The following NOTCH2 variants were observed in gnomAD, a reference collection of about 807,000 sequenced individuals.
NOTCH2 encodes notch receptor 2, also known as neurogenic locus notch homolog protein 2.
NOTCH2 carries 29 observed loss-of-function variants against 235.8 expected under a neutral mutation model. The ratio of observed to expected loss-of-function variants is 0.12; its 90% CI spans 0.09 to 0.17. NOTCH2 has a LOEUF of 0.17. NOTCH2 is among the 10% of genes least tolerant of loss of function. The pLI is 1.00. For synonymous variants in NOTCH2, 1,086 were observed against 1,141.5 expected, an observed-to-expected ratio of 0.95 and a Z score of 0.98; for missense variants, 2,285 against 3,150.2, an observed-to-expected ratio of 0.73 and a Z score of 6.57.
chr1:120,065,294 G>T (rs1299527494), intron 1 of NOTCH2, among the ~76,000 whole-genome samples: 1 of 152,172 alleles, frequency 6.6e-6, no homozygotes, highest in African/African-American at 2.4e-5. Context: ...AAAAATAATT[G>T]TTCGACTGAA....
intron 1 of NOTCH2, among the ~76,000 whole-genome samples, chr1:120,037,685 C>CA (rs1159340421): frequency 2.7e-5 from 4 of 149,496 alleles, no homozygotes; most frequent in Non-Finnish European, 4.5e-5. Flanking sequence ...AAAAAAAAAA[C>CA]AAAAAAAAGC....
Position 119,919,516 on chromosome 1 carries a change from G to C in NOTCH2, c.5577C>G (p.Ile1859Met), listed in dbSNP as rs774975520. ...TGGCACCCTGGTAGACCAAGTCTGT[G>C]ATGATGTTAGCAGAAGAGTCCTCTG... The part of the protein sequence containing the change: ...EDAEDSSANI[I>M]TDLVYQGASL... The change falls in exon 31 of 34, where the codon ATC (isoleucine) becomes ATG (methionine). Residue 1859 changes from isoleucine (I) to methionine (M), a missense_variant. Around this residue, in one of 6 missense-constraint regions of NOTCH2, gnomAD observed 1,173 missense variants for 1,515.3 expected, o/e 0.77. Coordinates refer to ENST00000256646, the MANE Select transcript of NOTCH2 (RefSeq NM_024408.4). 6.2e-7 allele frequency: 1 copy of C among 1,614,002 alleles called. No homozygotes were observed.
At position 120,039,737 on chromosome 1, in the gene NOTCH2, C is replaced by T. The variant is rs191767197; in HGVS notation, c.74-9750G>A. ...TAAGTACAGCTTAGTTTTTTTAAGT[C>T]CTTAATTTTAAGTACACGCTTTTAA... On this transcript the variant is annotated intron_variant, in intron 1 of 33. Coordinates refer to ENST00000256646, the MANE Select transcript of NOTCH2 (RefSeq NM_024408.4). Among the ~76,000 whole-genome samples, 345 of 151,810 alleles carry T rather than the reference C, an allele frequency of 2.3e-3. No homozygotes were observed. In the Middle Eastern group the frequency reaches 0.024, roughly 10 times the overall value.
intron 8 of NOTCH2, 89 bp from the exon 9 acceptor site, chr1:119,966,578 C>G: frequency 1.2e-6 from 1 of 864,394 alleles, no homozygotes; most frequent in Non-Finnish European, 2.0e-6. Flanking sequence ...ATAACTACAT[C>G]CTTTGCGAGT....
rs1649021832 is a variant in NOTCH2, at chr1:119,915,258, C to T, written c.*48G>A. 1 of 1,581,460 alleles carries T rather than the reference C, an allele frequency of 6.3e-7. No homozygotes were observed. Among genetic ancestry groups the T allele is most frequent in the Non-Finnish European group, 8.7e-7 (1 of 1,154,132 alleles). Reference sequence around the variant, plus strand: ...CGGATGACCTTCATTTGTTCCTCAGCAGCATTTACAAAAGTCAGTTATGTC... The same window carrying T: ...CGGATGACCTTCATTTGTTCCTCAGTAGCATTTACAAAAGTCAGTTATGTC... On this transcript the variant is annotated 3_prime_UTR_variant, in exon 34 of 34. Coordinates refer to ENST00000256646, the MANE Select transcript of NOTCH2 (RefSeq NM_024408.4).
intron 25 of NOTCH2, 95 bp from the exon 26 acceptor site, chr1:119,924,079 C>A: frequency 1.8e-6 from 2 of 1,118,752 alleles, no homozygotes; most frequent in Non-Finnish European, 2.6e-6. Flanking sequence ...ATTTTCCTAC[C>A]CATTTTCTGT....
At chr1:119,926,349 G>A (rs1283352287) in intron 24 of NOTCH2, 150 bp downstream of exon 24, 4 of 739,686 alleles carry the variant, frequency 5.4e-6, no homozygotes, top group African/African-American at 3.5e-5. Context: ...AGCTTTAAAT[G>A]GAAAAACCCA....
chr1:119,986,082 A>C (rs1652008412), intron 5 of NOTCH2, among the ~76,000 whole-genome samples: 1 of 152,240 alleles, frequency 6.6e-6, no homozygotes, highest in African/African-American at 2.4e-5. Flanking sequence ...GAGACACTAA[A>C]GAATACCAGG....
intron 9 of NOTCH2, among the ~76,000 whole-genome samples, chr1:119,965,899 C>T (rs1651116635): frequency 6.6e-6 from 1 of 152,026 alleles, no homozygotes; most frequent in Non-Finnish European, 1.5e-5. Flanking sequence ...GGGTAAGATG[C>T]AATCTATGGA....
intron 5 of NOTCH2, among the ~76,000 whole-genome samples, chr1:119,980,991 G>A (rs587741005): frequency 1.3e-5 from 2 of 151,906 alleles, no homozygotes; most frequent in Admixed American, 6.6e-5. Flanking sequence ...CTCATACTTC[G>A]GGTCCAAATC....
At chr1:119,932,017 T>C (rs1435397778) in intron 22 of NOTCH2, among the ~76,000 whole-genome samples, 1 of 148,096 alleles carries the variant, frequency 6.8e-6, no homozygotes, top group Non-Finnish European at 1.5e-5. Context: ...TACATATATA[T>C]ATATATAAAC....
In NOTCH2 at chr1:120,000,013, A is replaced by G. The variant is rs587737313; in HGVS notation, c.416-2681T>C. Among the ~76,000 whole-genome samples the G allele has an allele frequency of 4.1e-4, 61 of 148,160 alleles. 1 individual carries two copies. The highest frequency in any genetic ancestry group is 1.1e-3 in the African/African-American group (45 of 40,488). ...GAAGGAAGGAAGGAAGGAAGGAAGG[A>G]AGGGAGAAAGGAAGGAAGGAAGGGA... On this transcript the variant is annotated intron_variant, in intron 3 of 33. Coordinates refer to ENST00000256646, the MANE Select transcript of NOTCH2 (RefSeq NM_024408.4).
intron 5 of NOTCH2, among the ~76,000 whole-genome samples, chr1:119,979,955 T>C (rs1651749736): frequency 6.6e-6 from 1 of 152,164 alleles, no homozygotes; most frequent in South Asian, 2.1e-4. Flanking sequence ...AGACATAGTA[T>C]AATATAAATT....
At chr1:120,026,046 T>C (rs1653824792) in intron 2 of NOTCH2, among the ~76,000 whole-genome samples, 1 of 139,788 alleles carries the variant, frequency 7.2e-6, no homozygotes, top group South Asian at 2.5e-4. Flanking sequence ...TATGCAAGAT[T>C]ATACACGTTC....
intron 1 of NOTCH2, among the ~76,000 whole-genome samples, chr1:120,033,124 T>C (rs1654161123): frequency 6.9e-6 from 1 of 145,808 alleles, no homozygotes; most frequent in Admixed American, 6.9e-5. Flanking sequence ...GATGAATGGA[T>C]AAATAAAAGG....
intron 21 of NOTCH2, among the ~76,000 whole-genome samples, chr1:119,936,292 G>A (rs1479084902): frequency 6.6e-6 from 1 of 152,208 alleles, no homozygotes; most frequent in Non-Finnish European, 1.5e-5. Flanking sequence ...AGAAGGATCA[G>A]AGAAGGAGTC....
At position 119,987,074 on chromosome 1, in the gene NOTCH2, C is replaced by T; in HGVS notation, c.760G>A (p.Gly254Arg). 6.2e-7 allele frequency: 1 copy of T among 1,613,512 alleles called. No homozygotes were observed. The highest frequency in any genetic ancestry group is 8.5e-7 in the Non-Finnish European group (1 of 1,179,586). Reference protein sequence around the residue: ...FECNCLPGFEGSTCERNIDDC... With the variant: ...FECNCLPGFERSTCERNIDDC... ...TCAATATTCCTCTCACAGGTGCTCC[C>T]TTCAAAACCTGGTAAATGAAGAACA... The change falls in exon 5 of 34, where the codon GGG becomes AGG. Residue 254 changes from glycine (G) to arginine (R), a missense_variant. Around this residue, in one of 6 missense-constraint regions of NOTCH2, gnomAD observed 431 missense variants for 757.8 expected, o/e 0.57. Transcript: ENST00000256646.
intron 1 of NOTCH2, among the ~76,000 whole-genome samples, chr1:120,033,887 TA>T (rs1553211397): frequency 2.6e-5 from 4 of 151,966 alleles, no homozygotes; most frequent in Admixed American, 2.6e-4. Context: ...TTGTACCCTA[TA>T]AATGTATACA....
At chr1:119,984,846 A>C (rs1449341728) in intron 5 of NOTCH2, among the ~76,000 whole-genome samples, 3 of 152,194 alleles carry the variant, frequency 2.0e-5, no homozygotes, top group Non-Finnish European at 4.4e-5. Context: ...GTACTAAGGG[A>C]GTCCAGAGTA....
Sources: gnomAD v4.1 joint callset for allele counts (sites outside exome capture counted in the v4.1 genomes callset) on GRCh38, gnomAD v4.1.1 for gene constraint, gnomAD v4.1.1 regional missense constraint, MANE v1.5 for transcripts, NCBI Gene and HGNC (gene_info 2026-07-23, HGNC 2026-07-21) for gene names.